KSR2: variants seen among roughly 807,000 people sequenced by gnomAD.
KSR2 encodes kinase suppressor of ras 2.
A neutral mutation model predicts 107.8 loss-of-function variants in KSR2; 25 were observed. That is an observed-to-expected ratio of 0.23 (90% CI 0.17 to 0.32). The LOEUF is 0.32. KSR2 is among the 10% of genes least tolerant of loss of function. The probability of loss-of-function intolerance (pLI) is 1.00; values close to 1 mark genes in which losing one functional copy is unlikely to be tolerated. For synonymous variants in KSR2, 480 were observed against 507.0 expected (o/e 0.95, Z 0.71); for missense variants, 887 against 1,268.9 (o/e 0.70, Z 4.57).
Position 117,968,559 on chromosome 12 carries a change from T to G in KSR2, c.-304A>C, listed in dbSNP as rs1896866682. 4.1e-6 allele frequency: 4 copies of G among 985,666 alleles called. No homozygotes were observed. In the South Asian group the frequency reaches 1.7e-4, roughly 42 times the overall value. The allele number at this position is 985,666 out of a possible 1,614,324, so 61.1% of individuals were successfully genotyped here. On this transcript the variant is annotated 5_prime_UTR_variant, in exon 1 of 20. Transcript: ENST00000339824. ...TTTCTCAGAAGCAAACCAGGTGATG[T>G]GATGCTGTCTGTACACTTAGGGAGG...
intron 4 of KSR2, among the ~76,000 whole-genome samples, chr12:117,693,770 GTCCTACCGTCATCC>G (rs1885930535): frequency 6.6e-6 from 1 of 152,074 alleles, no homozygotes; most frequent in East Asian, 1.9e-4. Context: ...CAGGAAGCGG[GTCCTACCGTCATCC>G]CCACTGACAG....
chr12:117,531,417 C>T (rs192219166), intron 11 of KSR2, among the ~76,000 whole-genome samples: 2 of 152,300 alleles, frequency 1.3e-5, no homozygotes, highest in African/African-American at 4.8e-5. Context: ...TCCTCACCCT[C>T]GCCCAGTGTT....
intron 4 of KSR2, among the ~76,000 whole-genome samples, chr12:117,696,247 T>G (rs1593140946): frequency 6.6e-6 from 1 of 152,006 alleles, no homozygotes; most frequent in African/African-American, 2.4e-5. Context: ...TTCTCTGAGG[T>G]CCCACTCCAC....
chr12:117,944,166 C>A (rs1182782431), intron 1 of KSR2, among the ~76,000 whole-genome samples: 2 of 151,516 alleles, frequency 1.3e-5, no homozygotes, highest in South Asian at 4.2e-4. Context: ...CACCTGAGGT[C>A]GGGAGTTTGA....
intron 1 of KSR2, among the ~76,000 whole-genome samples, chr12:117,905,913 A>C (rs950708177): frequency 6.6e-6 from 1 of 152,126 alleles, no homozygotes; most frequent in South Asian, 2.1e-4. Flanking sequence ...GTACATAATA[A>C]TTAACAAAAA....
At chr12:117,498,945 T>G (rs1278377203) in intron 14 of KSR2, among the ~76,000 whole-genome samples, 4 of 152,210 alleles carry the variant, frequency 2.6e-5, no homozygotes, top group Admixed American at 1.3e-4. Context: ...ATCAGCAGTG[T>G]GAAAATGGAC....
At chr12:117,629,595 T>C (rs939567932) in intron 5 of KSR2, among the ~76,000 whole-genome samples, 7 of 152,206 alleles carry the variant, frequency 4.6e-5, no homozygotes, top group African/African-American at 1.7e-4. Context: ...TCTGACTCAG[T>C]CACTAGTTCC....
intron 3 of KSR2, among the ~76,000 whole-genome samples, chr12:117,852,250 T>G (rs975262725): frequency 1.4e-5 from 2 of 148,060 alleles, no homozygotes; most frequent in African/African-American, 4.9e-5. Flanking sequence ...CGGTGAAACC[T>G]CGTCTCTACT....
At chr12:117,927,127 G>A (rs1382229162) in intron 1 of KSR2, among the ~76,000 whole-genome samples, 1 of 152,172 alleles carries the variant, frequency 6.6e-6, no homozygotes, top group Non-Finnish European at 1.5e-5. Context: ...ATCAATCCCA[G>A]CACTTTGGGA....
chr12:117,507,189 G>T (rs1485305792), intron 14 of KSR2, among the ~76,000 whole-genome samples: 3 of 152,184 alleles, frequency 2.0e-5, no homozygotes, highest in African/African-American at 7.2e-5. Flanking sequence ...GGGCAGCAGT[G>T]TGCCCGTTCT....
At chr12:117,713,886 C>T (rs1184222254) in intron 4 of KSR2, among the ~76,000 whole-genome samples, 1 of 152,190 alleles carries the variant, frequency 6.6e-6, no homozygotes. Flanking sequence ...CTCCCTGATG[C>T]CAGCAACCCA....
chr12:117,856,579 C>T (rs184481189), intron 2 of KSR2, among the ~76,000 whole-genome samples: 5 of 152,052 alleles, frequency 3.3e-5, no homozygotes, highest in Admixed American at 2.0e-4. Flanking sequence ...CGGGTTCAAG[C>T]GATTCTCCTG....
chr12:117,930,217 A>T (rs1376151947), intron 1 of KSR2, among the ~76,000 whole-genome samples: 1 of 152,074 alleles, frequency 6.6e-6, no homozygotes. Context: ...TATTTTTAGC[A>T]GAGAAGGGTT....
At chr12:117,533,232 T>A (rs938793230) in intron 10 of KSR2, among the ~76,000 whole-genome samples, 18 of 152,196 alleles carry the variant, frequency 1.2e-4, no homozygotes, top group Admixed American at 9.8e-4. Context: ...GCTAATGAAA[T>A]CTTCTGCTTT....
chr12:117,543,399 C>G (rs1300492734), intron 9 of KSR2, among the ~76,000 whole-genome samples: 2 of 152,168 alleles, frequency 1.3e-5, no homozygotes, highest in African/African-American at 4.8e-5. Context: ...CGTGTGCTTA[C>G]TTGCCATCTG....
intron 5 of KSR2, among the ~76,000 whole-genome samples, chr12:117,631,747 G>A (rs193105359): frequency 2.0e-5 from 3 of 152,276 alleles, no homozygotes; most frequent in African/African-American, 7.2e-5. Context: ...TGAGGGTAAA[G>A]CAGGGATAAT....
At chr12:117,748,289 G>A (rs1449422747) in intron 4 of KSR2, among the ~76,000 whole-genome samples, 2 of 152,160 alleles carry the variant, frequency 1.3e-5, no homozygotes, top group Non-Finnish European at 2.9e-5. Context: ...GGAGCTGGCA[G>A]GAAGGAGGCA....
intron 5 of KSR2, among the ~76,000 whole-genome samples, chr12:117,643,316 G>A (rs1194281025): frequency 6.6e-6 from 1 of 152,078 alleles, no homozygotes; most frequent in Non-Finnish European, 1.5e-5. Flanking sequence ...GCATGGTGGC[G>A]GGTGCCTGTA....
rs1870796646 is a variant in KSR2, at chr12:117,459,671, C to T, written c.*7528G>A. ...CTTATATACTTTTCACATTGGCCTC[C>T]AAGCCATGGTATGTTGGAGAAGCCA... On this transcript the variant is annotated 3_prime_UTR_variant, in exon 20 of 20. Transcript: ENST00000339824. The T allele has an allele frequency of 6.6e-6, 1 of 152,196 alleles. No individual in the cohort carries two copies. The highest frequency in any genetic ancestry group is 2.4e-5 in the African/African-American group (1 of 41,448). The allele number at this position is 152,196 out of a possible 1,614,324, so 9.4% of individuals were successfully genotyped here.
Sources: gnomAD v4.1 joint callset for allele counts (sites outside exome capture counted in the v4.1 genomes callset) on GRCh38, gnomAD v4.1.1 for gene constraint, MANE v1.5 for transcripts, NCBI Gene and HGNC (gene_info 2026-07-23, HGNC 2026-07-21) for gene names.